RBFOX1: variants seen among roughly 807,000 people sequenced by gnomAD.
RBFOX1 encodes the protein RNA binding fox-1 homolog 1, also known as RNA binding protein fox-1 homolog 1.
In RBFOX1, 8 loss-of-function variants were observed where a neutral mutation model predicts 57.7. The ratio of observed to expected loss-of-function variants is 0.14; its 90% CI spans 0.08 to 0.25. RBFOX1 has a LOEUF of 0.25. RBFOX1 is among the 10% of genes least tolerant of loss of function. The pLI, the probability that RBFOX1 is intolerant of heterozygous loss-of-function variation, is 1.00. For missense variants in RBFOX1, 611 were observed against 548.5 expected, an observed-to-expected ratio of 1.11 and a Z score of -1.14; for synonymous variants, 326 against 222.4, an observed-to-expected ratio of 1.47 and a Z score of -4.15.
chr16:6,924,729 G>C (rs572677961), intron 3 of RBFOX1, among the ~76,000 whole-genome samples: 7 of 150,678 alleles, frequency 4.6e-5, no homozygotes, highest in African/African-American at 1.5e-4. Context: ...TGTGCACAAC[G>C]TGCAGGTTTG....
chr16:5,594,043 G>T (rs1039290193), intron 2 of RBFOX1, among the ~76,000 whole-genome samples: 2 of 151,888 alleles, frequency 1.3e-5, no homozygotes, highest in Non-Finnish European at 2.9e-5. Flanking sequence ...CCATGGCCTT[G>T]GCTTGGAGCT....
At chr16:7,165,349 A>T (rs1050011510) in intron 4 of RBFOX1, among the ~76,000 whole-genome samples, 1 of 149,666 alleles carries the variant, frequency 6.7e-6, no homozygotes, top group Non-Finnish European at 1.5e-5. Context: ...GAAAAAATGG[A>T]CTTAATGGCT....
intron 3 of RBFOX1, among the ~76,000 whole-genome samples, chr16:6,663,542 G>A (rs945710257): frequency 6.6e-6 from 1 of 152,178 alleles, no homozygotes; most frequent in Non-Finnish European, 1.5e-5. Context: ...CTAGAATGGG[G>A]AGTATTCATG....
chr16:7,333,674 A>G (rs1047852649), intron 4 of RBFOX1, among the ~76,000 whole-genome samples: 1 of 152,190 alleles, frequency 6.6e-6, no homozygotes, highest in African/African-American at 2.4e-5. Flanking sequence ...AATGATGGCA[A>G]GAAAGTGGAG....
chr16:7,347,834 A>G (rs2097046878), intron 4 of RBFOX1, among the ~76,000 whole-genome samples: 1 of 152,192 alleles, frequency 6.6e-6, no homozygotes, highest in Admixed American at 6.5e-5. Context: ...AAGCAGGAGT[A>G]GGATGTAGCT....
chr16:6,691,760 A>C (rs1261425700), intron 3 of RBFOX1, among the ~76,000 whole-genome samples: 1 of 152,212 alleles, frequency 6.6e-6, no homozygotes, highest in East Asian at 1.9e-4. Flanking sequence ...GATATGATTA[A>C]GTTGAGGACC....
chr16:7,148,318 A>G (rs546018202), intron 4 of RBFOX1, among the ~76,000 whole-genome samples: 2 of 152,206 alleles, frequency 1.3e-5, no homozygotes, highest in Non-Finnish European at 2.9e-5. Flanking sequence ...TGTTGTTTAT[A>G]AGGAAACTCC....
intron 1 of RBFOX1, among the ~76,000 whole-genome samples, chr16:5,424,484 G>A (rs2067451645): frequency 6.6e-6 from 1 of 152,058 alleles, no homozygotes; most frequent in Admixed American, 6.5e-5. Flanking sequence ...GATAGGCCAG[G>A]GGCCCAGCAC....
intron 3 of RBFOX1, among the ~76,000 whole-genome samples, chr16:5,735,397 C>G (rs139555661): frequency 3.5e-4 from 53 of 152,326 alleles, no homozygotes; most frequent in African/African-American, 1.2e-3. Flanking sequence ...CAGAATGTCA[C>G]AGTGTGCCTG....
Position 5,745,527 on chromosome 16 carries a change from C to T in RBFOX1, c.319-121776C>T, listed in dbSNP as rs138692842. Reference sequence around the variant, plus strand: ...CTTGAGGAATCGCCTTACTGTCTTCCACAATGGTTGAACTAGTTTACAGTC... The same window carrying T: ...CTTGAGGAATCGCCTTACTGTCTTCTACAATGGTTGAACTAGTTTACAGTC... On this transcript the variant is annotated intron_variant, in intron 3 of 19. Coordinates refer to the RBFOX1 transcript ENST00000641259. Among the ~76,000 whole-genome samples the T allele has an allele frequency of 3.1e-3, 479 of 152,292 alleles. 2 individuals carry two copies. Among genetic ancestry groups the T allele is most frequent in the African/African-American group, 0.011 (462 of 41,560 alleles).
In RBFOX1 at chr16:7,371,671, A is replaced by T. The variant is rs774687530; in HGVS notation, c.28-146476A>T. On this transcript the variant is annotated intron_variant, in intron 4 of 15. Transcript: ENST00000550418. ...ATACTGAGGCAGGAGAATCGCTTGA[A>T]CCCATGGGGCGGAGGTTGCAGTGAG... Among the ~76,000 whole-genome samples the T allele has an allele frequency of 4.6e-5, 7 of 152,096 alleles. No individual in the cohort carries two copies. The South Asian group carries it at 1.5e-3, about 32-fold the overall frequency.
At chr16:5,268,396 A>G (rs112093776) in intron 1 of RBFOX1, among the ~76,000 whole-genome samples, 8 of 152,232 alleles carry the variant, frequency 5.3e-5, no homozygotes, top group Non-Finnish European at 8.8e-5. Flanking sequence ...AACAACAAGT[A>G]CAGGAAAGTC....
chr16:6,074,617 C>G (rs1567391929), intron 1 of RBFOX1, among the ~76,000 whole-genome samples: 1 of 152,210 alleles, frequency 6.6e-6, no homozygotes, highest in East Asian at 1.9e-4. Context: ...AGATTGGGCT[C>G]AATTCTGAAC....
At chr16:6,367,903 C>G (rs1212564670) in intron 2 of RBFOX1, among the ~76,000 whole-genome samples, 3 of 152,286 alleles carry the variant, frequency 2.0e-5, no homozygotes, top group South Asian at 2.1e-4. Context: ...AAACTCAAAC[C>G]CTTGTTGTTC....
chr16:6,725,458 G>A (rs2066979468), intron 3 of RBFOX1, among the ~76,000 whole-genome samples: 1 of 152,052 alleles, frequency 6.6e-6, no homozygotes, highest in African/African-American at 2.4e-5. Flanking sequence ...CCAACCTACC[G>A]TGAATGCAGC....
chr16:7,701,410 T>G (rs560812653), intron 14 of RBFOX1, among the ~76,000 whole-genome samples: 1 of 152,302 alleles, frequency 6.6e-6, no homozygotes, highest in African/African-American at 2.4e-5. Flanking sequence ...TAGATTCTCA[T>G]GGGAGCACCA....
In RBFOX1 at chr16:6,557,794, A is replaced by G. The variant is rs529198331; in HGVS notation, c.-63-96809A>G. 7.2e-5 allele frequency among the ~76,000 whole-genome samples: 11 copies of G among 152,288 alleles called. No individual in the cohort carries two copies. In the South Asian group the frequency reaches 1.7e-3, roughly 23 times the overall value. ...CGGTTCCATGTCAAGGCAATGTTTT[A>G]TTTCGTGGTGCAGGACAAATGTAGA... On this transcript the variant is annotated intron_variant, in intron 2 of 15. Transcript: ENST00000550418.
intron 1 of RBFOX1, among the ~76,000 whole-genome samples, chr16:5,330,550 G>A (rs1231828014): frequency 3.3e-5 from 5 of 152,008 alleles, no homozygotes; most frequent in Admixed American, 6.5e-5. Flanking sequence ...CTACAGGTGT[G>A]CGTGCTACCA....
intron 4 of RBFOX1, among the ~76,000 whole-genome samples, chr16:7,428,814 C>T (rs552020317): frequency 7.9e-5 from 12 of 152,110 alleles, no homozygotes; most frequent in African/African-American, 2.9e-4. Context: ...CTCTCTGAGA[C>T]TCAGTCTTAC....
Sources: gnomAD v4.1 joint callset for allele counts (sites outside exome capture counted in the v4.1 genomes callset) on GRCh38, gnomAD v4.1.1 for gene constraint, MANE v1.5 for transcripts, NCBI Gene and HGNC (gene_info 2026-07-23, HGNC 2026-07-21) for gene names.